FRMD4B: variants seen among roughly 807,000 people sequenced by gnomAD.
FRMD4B encodes FERM domain containing 4B.
In FRMD4B, 74 loss-of-function variants were observed where a neutral mutation model predicts 141.5. The observed-to-expected ratio is 0.52, with a 90% confidence interval of 0.43 to 0.63. The LOEUF is 0.63. Among genes scored for constraint, FRMD4B ranks in the 30% least tolerant of loss-of-function variants. FRMD4B has a pLI of 0.00. For synonymous variants in FRMD4B, 506 were observed against 467.9 expected (o/e 1.08, Z -1.05); for missense variants, 1,366 against 1,253.4 (o/e 1.09, Z -1.36).
upstream of FRMD4B, among the ~76,000 whole-genome samples, chr3:69,387,588 G>A (rs1697109001): frequency 1.3e-5 from 2 of 152,154 alleles, no homozygotes; most frequent in South Asian, 2.1e-4. Flanking sequence ...GGAAAGGTAA[G>A]GCACCAAAGC....
At chr3:69,345,406 G>C (rs1462057706) in intron 1 of FRMD4B, among the ~76,000 whole-genome samples, 2 of 152,192 alleles carry the variant, frequency 1.3e-5, no homozygotes, top group African/African-American at 4.8e-5. Flanking sequence ...CTCCATCTCT[G>C]GGGGCAGGGC....
At chr3:69,452,495 A>T (rs1705518002) in intron 1 of FRMD4B, among the ~76,000 whole-genome samples, 1 of 152,254 alleles carries the variant, frequency 6.6e-6, no homozygotes, top group Non-Finnish European at 1.5e-5. Flanking sequence ...TGTCAGGATT[A>T]TGCTAGGTAT....
At chr3:69,303,769 A>G (rs1314168638) in intron 3 of FRMD4B, among the ~76,000 whole-genome samples, 2 of 151,812 alleles carry the variant, frequency 1.3e-5, no homozygotes, top group Non-Finnish European at 2.9e-5. Context: ...ATTTCTACAA[A>G]GAATACAGAA....
intron 21 of FRMD4B, among the ~76,000 whole-genome samples, chr3:69,179,171 G>A (rs946360180): frequency 2.0e-5 from 3 of 152,076 alleles, no homozygotes; most frequent in African/African-American, 7.2e-5. Flanking sequence ...GGTCTGTGGG[G>A]CCACATCTTG....
intron 1 of FRMD4B, among the ~76,000 whole-genome samples, chr3:69,539,752 C>T (rs144878525): frequency 1.8e-3 from 267 of 152,282 alleles, no homozygotes; most frequent in African/African-American, 5.9e-3. Flanking sequence ...GATTAAACTT[C>T]TACCATTCAG....
At chr3:69,407,743 T>C (rs1199679927) in intron 2 of FRMD4B, among the ~76,000 whole-genome samples, 1 of 152,144 alleles carries the variant, frequency 6.6e-6, no homozygotes, top group Non-Finnish European at 1.5e-5. Context: ...TGGGAAAGAG[T>C]GCTATGATTG....
Position 69,200,656 on chromosome 3 carries a change from T to A in FRMD4B, c.877-1882A>T, listed in dbSNP as rs2092956699. 10 of 1,241,876 alleles carry A rather than the reference T, an allele frequency of 8.1e-6. No individual in the cohort carries two copies. In the South Asian group the frequency reaches 1.2e-4, roughly 15 times the overall value. 76.9% of individuals were successfully genotyped at this position (1,241,876 alleles called of 1,614,324 possible). On this transcript the variant is annotated intron_variant, in intron 11 of 22. Coordinates refer to ENST00000398540, the MANE Select transcript of FRMD4B (RefSeq NM_015123.3). ...TCCCATCAGGGAGAGGAGGGCAAAGTTCTCAGTGGCAGATTTTCCCAGAAA... is the reference window on the plus strand; with the variant it reads ...TCCCATCAGGGAGAGGAGGGCAAAGATCTCAGTGGCAGATTTTCCCAGAAA...
chr3:69,312,934 T>C (rs936284899), intron 2 of FRMD4B, among the ~76,000 whole-genome samples: 4 of 152,182 alleles, frequency 2.6e-5, no homozygotes, highest in Non-Finnish European at 5.9e-5. Flanking sequence ...TATAGTGCCA[T>C]ATATTTTACA....
intron 1 of FRMD4B, among the ~76,000 whole-genome samples, chr3:69,438,259 CA>C (rs1705291733): frequency 6.6e-6 from 1 of 151,724 alleles, no homozygotes; most frequent in African/African-American, 2.4e-5. Flanking sequence ...GCGGCATTAC[CA>C]CACCTGGGTA....
chr3:69,510,663 G>A (rs1201415164), intron 1 of FRMD4B, among the ~76,000 whole-genome samples: 1 of 152,164 alleles, frequency 6.6e-6, no homozygotes, highest in Admixed American at 6.5e-5. Context: ...CAAGCCAAAG[G>A]TGTTGATGAC....
intron 1 of FRMD4B, among the ~76,000 whole-genome samples, chr3:69,453,851 G>A (rs1705539138): frequency 6.6e-6 from 1 of 152,158 alleles, no homozygotes; most frequent in Non-Finnish European, 1.5e-5. Flanking sequence ...TTCAGATGAT[G>A]GATAAAGGAT....
intron 2 of FRMD4B, among the ~76,000 whole-genome samples, chr3:69,391,683 C>T (rs1048489808): frequency 1.3e-5 from 2 of 152,192 alleles, no homozygotes; most frequent in African/African-American, 2.4e-5. Context: ...TCTGACTGTA[C>T]ACACAATGGG....
intron 9 of FRMD4B, among the ~76,000 whole-genome samples, chr3:69,221,258 G>C (rs1368042247): frequency 6.6e-6 from 1 of 152,066 alleles, no homozygotes; most frequent in African/African-American, 2.4e-5. Flanking sequence ...CCACTGTGCT[G>C]GCCTGTTCTT....
chr3:69,181,754 G>A, intron 20 of FRMD4B, 44 bp from the exon 21 acceptor site: 1 of 1,205,950 alleles, frequency 8.3e-7, no homozygotes. Flanking sequence ...AAGAAGAAAA[G>A]GAGGACCCAA....
intron 9 of FRMD4B, among the ~76,000 whole-genome samples, chr3:69,221,064 G>A (rs1036343151): frequency 1.3e-5 from 2 of 151,812 alleles, no homozygotes; most frequent in Non-Finnish European, 2.9e-5. Context: ...CCTGGTTTAA[G>A]CAATTTTCCT....
intron 20 of FRMD4B, 145 bp downstream of exon 20, chr3:69,182,453 C>T: frequency 2.9e-6 from 2 of 687,326 alleles, no homozygotes; most frequent in Non-Finnish European, 4.6e-6. Context: ...TATTTGAAAC[C>T]ATAAGTTAGC....
chr3:69,270,012 C>CTTCT (rs368704995), intron 5 of FRMD4B, among the ~76,000 whole-genome samples: 6 of 151,320 alleles, frequency 4.0e-5, no homozygotes, highest in African/African-American at 1.2e-4. Flanking sequence ...TTCTTTTTCT[C>CTTCT]TTCTTTCTTT....
At position 69,381,390 on chromosome 3, in the gene FRMD4B, C is replaced by G. The variant is rs533526575; in HGVS notation, c.162+4438G>C. Among the ~76,000 whole-genome samples the G allele has an allele frequency of 4.6e-5, 7 of 152,292 alleles. 1 individual carries two copies. The South Asian group carries it at 1.5e-3, about 32-fold the overall frequency. On this transcript the variant is annotated intron_variant, in intron 1 of 22. Coordinates refer to ENST00000398540, the MANE Select transcript of FRMD4B (RefSeq NM_015123.3). ...ATAGTATATGAATAAAAAGAACACC[C>G]CCAGGAGACTGACAGGTATTTCATG...
At position 69,182,603 on chromosome 3, in the gene FRMD4B, G is replaced by A; in HGVS notation, c.2034C>T (p.His678=). ...TGAGAAAGAAGCTCTCTTACTCCAA[G>A]TGGCTGCTGCTGTAGGCGTTTCGGG... The part of the protein sequence containing the change: ...VLTRNAYSSS[H]LEPESSSQHC... The change falls in exon 20 of 23, where the codon CAC becomes CAT. Residue 678 remains histidine, a synonymous_variant. Coordinates refer to ENST00000398540, the MANE Select transcript of FRMD4B (RefSeq NM_015123.3). 6.2e-7 allele frequency: 1 copy of A among 1,608,620 alleles called. No individual in the cohort carries two copies. The highest frequency in any genetic ancestry group is 1.3e-5 in the African/African-American group (1 of 74,564).
Sources: allele counts gnomAD v4.1 joint callset (sites outside exome capture counted in the v4.1 genomes callset), GRCh38; gene constraint gnomAD v4.1.1; transcripts MANE v1.5; gene names NCBI Gene and HGNC (gene_info 2026-07-23, HGNC 2026-07-21).